The following GRM7 variants were observed in gnomAD, a reference collection of about 807,000 sequenced individuals.
GRM7 encodes metabotropic glutamate receptor 7.
In GRM7, 35 loss-of-function variants were observed where a neutral mutation model predicts 84.5. The observed-to-expected ratio is 0.41, with a 90% CI of 0.32 to 0.55. The LOEUF (loss-of-function observed/expected upper bound fraction) is 0.55. Among genes scored for constraint, GRM7 ranks in the 20% least tolerant of loss-of-function variants. The pLI is 0.19. For missense variants in GRM7, 1,003 were observed against 1,194.6 expected (o/e 0.84, Z 2.36); for synonymous variants, 487 against 455.1 (o/e 1.07, Z -0.89).
intron 2 of GRM7, among the ~76,000 whole-genome samples, chr3:7,182,086 C>T (rs1695357357): frequency 6.6e-6 from 1 of 152,112 alleles, no homozygotes; most frequent in South Asian, 2.1e-4. Flanking sequence ...TCTTGTTCCT[C>T]TTATAACTGT....
intron 1 of GRM7, among the ~76,000 whole-genome samples, chr3:6,934,895 C>T (rs1697634299): frequency 6.6e-6 from 1 of 152,122 alleles, no homozygotes; most frequent in African/African-American, 2.4e-5. Context: ...AGTCTTCCCC[C>T]AAACAGAATT....
intron 2 of GRM7, among the ~76,000 whole-genome samples, chr3:7,205,329 T>A (rs1182027331): frequency 3.9e-5 from 6 of 152,218 alleles, no homozygotes; most frequent in Non-Finnish European, 8.8e-5. Context: ...AATTTGTAAC[T>A]GTGAATTAAT....
chr3:7,050,855 G>A (rs1042203146), intron 1 of GRM7, among the ~76,000 whole-genome samples: 1 of 151,768 alleles, frequency 6.6e-6, no homozygotes, highest in South Asian at 2.1e-4. Flanking sequence ...TTTCCCCACA[G>A]TGTTTGATTC....
chr3:7,491,894 C>G (rs1386072571), intron 7 of GRM7, among the ~76,000 whole-genome samples: 1 of 152,122 alleles, frequency 6.6e-6, no homozygotes, highest in Non-Finnish European at 1.5e-5. Context: ...AGAACATGCC[C>G]TTTTCCAGCA....
intron 1 of GRM7, among the ~76,000 whole-genome samples, chr3:7,121,333 T>TCATCCATCCATC (rs71307751): frequency 8.7e-5 from 13 of 149,450 alleles, no homozygotes; most frequent in Admixed American, 4.0e-4. Context: ...ATCCATCTAT[T>TCATCCATCCATC]CATCCATCCA....
intron 8 of GRM7, among the ~76,000 whole-genome samples, chr3:7,660,943 T>C (rs150015503): frequency 2.0e-4 from 31 of 152,324 alleles, no homozygotes; most frequent in African/African-American, 6.7e-4. Context: ...CACAGACCCA[T>C]GCCTAGTGCC....
chr3:7,400,499 C>A (rs1038807225), intron 4 of GRM7, among the ~76,000 whole-genome samples: 1 of 152,108 alleles, frequency 6.6e-6, no homozygotes, highest in Non-Finnish European at 1.5e-5. Context: ...ACATCAAACA[C>A]CCATTGTAGT....
At chr3:7,311,565 G>A (rs116487673) in intron 4 of GRM7, among the ~76,000 whole-genome samples, 222 of 151,288 alleles carry the variant, frequency 1.5e-3, no homozygotes, top group African/African-American at 4.9e-3. Flanking sequence ...AATCTGGGCC[G>A]TCTCAATCTT....
chr3:7,175,205 C>G (rs1007686804), intron 2 of GRM7, among the ~76,000 whole-genome samples: 3 of 152,220 alleles, frequency 2.0e-5, no homozygotes, highest in African/African-American at 7.2e-5. Flanking sequence ...CTACATTCTG[C>G]TAGAGACAGC....
intron 7 of GRM7, among the ~76,000 whole-genome samples, chr3:7,550,533 TC>T (rs1183639178): frequency 6.8e-6 from 1 of 147,292 alleles, no homozygotes; most frequent in Admixed American, 6.9e-5. Context: ...TTCCTTTTTT[TC>T]TTCTCCCTTT....
At chr3:7,622,112 C>G (rs1324565793) in intron 8 of GRM7, among the ~76,000 whole-genome samples, 1 of 152,110 alleles carries the variant, frequency 6.6e-6, no homozygotes, top group Admixed American at 6.6e-5. Context: ...ATGATTTACC[C>G]AAATCGCCAT....
intron 1 of GRM7, among the ~76,000 whole-genome samples, chr3:6,876,324 C>A (rs891661047): frequency 1.3e-5 from 2 of 151,658 alleles, no homozygotes; most frequent in Admixed American, 6.6e-5. Flanking sequence ...GGAGTCAGGG[C>A]CTTGGGCTTT....
chr3:6,945,566 G>C (rs1698042379), intron 1 of GRM7, among the ~76,000 whole-genome samples: 1 of 151,992 alleles, frequency 6.6e-6, no homozygotes, highest in Non-Finnish European at 1.5e-5. Context: ...ATAATCCTTT[G>C]GGTATATACC....
At chr3:7,162,752 TTTTTTTTTTTTTTTTTTTTTTTTTTG>T (rs1694670482) in intron 2 of GRM7, among the ~76,000 whole-genome samples, 2 of 43,892 alleles carry the variant, frequency 4.6e-5, no homozygotes, top group Non-Finnish European at 9.5e-5. Flanking sequence ...TTTTTTTTTT[TTTTTTTTTTTTTTTTTTTTTTTTTTG>T]AGATGGAGTC....
intron 2 of GRM7, among the ~76,000 whole-genome samples, chr3:7,169,895 C>T (rs1345386846): frequency 1.3e-5 from 2 of 152,066 alleles, no homozygotes; most frequent in Non-Finnish European, 2.9e-5. Context: ...TTTTTAACAC[C>T]TGTTAAAATA....
At chr3:7,539,048 C>A (rs971580585) in intron 7 of GRM7, among the ~76,000 whole-genome samples, 1 of 152,200 alleles carries the variant, frequency 6.6e-6, no homozygotes, top group Non-Finnish European at 1.5e-5. Flanking sequence ...GGTTCCTCTT[C>A]ATGGACCTCT....
At position 6,998,162 on chromosome 3, in the gene GRM7, A is replaced by ACAATGAGGGT. The variant is rs1241721427; in HGVS notation, c.519+136256_519+136265dup. On this transcript the variant is annotated intron_variant, in intron 1 of 9. Coordinates refer to ENST00000357716, the MANE Select transcript of GRM7 (RefSeq NM_000844.4). ...AAAGCAGGTTAGTTACCTCCTAGAT[A>ACAATGAGGGT]CAATGAGGGTACAGGCATTGGTTAA... is the stretch of plus-strand genomic sequence containing the variant. Among the ~76,000 whole-genome samples the ACAATGAGGGT allele has an allele frequency of 2.1e-5, 3 of 143,014 alleles. No homozygotes were observed. In the Admixed American group the frequency reaches 2.2e-4, roughly 11 times the overall value. 93.8% of individuals were successfully genotyped at this position (143,014 alleles called of 152,430 possible).
intron 2 of GRM7, among the ~76,000 whole-genome samples, chr3:7,216,900 C>T (rs1259772422): frequency 1.3e-5 from 2 of 152,144 alleles, no homozygotes; most frequent in East Asian, 1.9e-4. Context: ...TGTGTAAATG[C>T]AGACATCCAT....
chr3:7,334,978 C>T (rs942068451), intron 4 of GRM7, among the ~76,000 whole-genome samples: 1 of 152,128 alleles, frequency 6.6e-6, no homozygotes, highest in Admixed American at 6.5e-5. Flanking sequence ...GACTTCAGTA[C>T]ACCATTGACA....
Sources: gnomAD v4.1 joint callset for allele counts (sites outside exome capture counted in the v4.1 genomes callset) on GRCh38, gnomAD v4.1.1 for gene constraint, MANE v1.5 for transcripts, NCBI Gene and HGNC (gene_info 2026-07-23, HGNC 2026-07-21) for gene names.